The following GOLM1 variants were observed in gnomAD, a reference collection of about 807,000 sequenced individuals.
GOLM1 encodes epididymis luminal protein 46.
GOLM1 carries 31 observed loss-of-function variants against 50.5 expected under a neutral mutation model. That is an observed-to-expected ratio of 0.61 (90% CI 0.46 to 0.83). GOLM1 has a LOEUF of 0.83. Among genes scored for constraint, GOLM1 ranks in the 40% least tolerant of loss-of-function variants. The pLI, the probability that GOLM1 is intolerant of heterozygous loss-of-function variation, is 0.00. For synonymous variants in GOLM1, 178 were observed against 192.8 expected, an observed-to-expected ratio of 0.92 and a Z score of 0.64; for missense variants, 491 against 501.3, an observed-to-expected ratio of 0.98 and a Z score of 0.20.
At chr9:86,092,456 C>T (rs1835215035) in intron 1 of GOLM1, among the ~76,000 whole-genome samples, 1 of 152,176 alleles carries the variant, frequency 6.6e-6, no homozygotes, top group South Asian at 2.1e-4. Context: ...CCGTGGACAT[C>T]CCAGACCAGG....
At chr9:86,083,709 A>G (rs2118870616) in intron 1 of GOLM1, among the ~76,000 whole-genome samples, 1 of 152,352 alleles carries the variant, frequency 6.6e-6, no homozygotes, top group South Asian at 2.1e-4. Context: ...CATTTTGAAC[A>G]GCTAGTTTAA....
chr9:86,055,971 TA>T, intron 3 of GOLM1, among the ~76,000 whole-genome samples: 1 of 103,608 alleles, frequency 9.7e-6, no homozygotes, highest in South Asian at 2.7e-4. Flanking sequence ...AACCGAACAG[TA>T]AAAAAAACAA....
Position 86,047,548 on chromosome 9 carries a change from C to T in GOLM1, c.365-976G>A, listed in dbSNP as rs374232529. The stretch of plus-strand genomic sequence containing the variant: ...TAGACAGAGAGGGGACTGGTGACTT[C>T]GCAGGGCATGGGTGGGGGGTCCTGG... On this transcript the variant is annotated intron_variant, in intron 4 of 9. Transcript: ENST00000388712. Among the ~76,000 whole-genome samples, 154 of 151,922 alleles carry T rather than the reference C, an allele frequency of 1.0e-3. 1 individual carries two copies. In the East Asian group the frequency reaches 0.027, roughly 26 times the overall value.
At chr9:86,071,668 G>A (rs1270991499) in intron 3 of GOLM1, among the ~76,000 whole-genome samples, 1 of 151,032 alleles carries the variant, frequency 6.6e-6, no homozygotes, top group South Asian at 2.1e-4. Context: ...GTGAGACTCT[G>A]TCTCAAAAAG....
intron 4 of GOLM1, among the ~76,000 whole-genome samples, chr9:86,049,016 A>G (rs930684371): frequency 2.0e-5 from 3 of 152,236 alleles, no homozygotes; most frequent in African/African-American, 4.8e-5. Flanking sequence ...TAGGTCTAAC[A>G]TTTAAGTCTT....
chr9:86,049,763 T>G (rs1414853619), intron 4 of GOLM1, among the ~76,000 whole-genome samples: 1 of 152,256 alleles, frequency 6.6e-6, no homozygotes, highest in Non-Finnish European at 1.5e-5. Context: ...AAGGAGATTT[T>G]GAGCTGAGAC....
rs543645098 is a variant in GOLM1 at position 86,037,044 on chromosome 9, T to A, written c.598-537A>T. 5.3e-5 allele frequency among the ~76,000 whole-genome samples: 8 copies of A among 152,202 alleles called. No individual in the cohort carries two copies. In the South Asian group the frequency reaches 1.2e-3, roughly 24 times the overall value. ...AATAACAGGATGAAACTTATGACAT[T>A]TGCAAATATTTGGAAATTAAACAAC... is the stretch of plus-strand genomic sequence containing the variant. On this transcript the variant is annotated intron_variant, in intron 6 of 9. Coordinates refer to ENST00000388712, the MANE Select transcript of GOLM1 (RefSeq NM_016548.4).
intron 1 of GOLM1, chr9:86,079,842 C>T (rs1393212672): frequency 1.3e-5 from 2 of 152,176 alleles, no homozygotes; most frequent in Non-Finnish European, 2.9e-5. Context: ...GCTTTGATTC[C>T]TAACAAGGGA....
intron 4 of GOLM1, 30 bp downstream of exon 4, chr9:86,052,507 G>T: frequency 6.2e-7 from 1 of 1,604,966 alleles, no homozygotes; most frequent in South Asian, 1.1e-5. Flanking sequence ...AAAGGCCAGT[G>T]CCTGGTGTGG....
In GOLM1 at chr9:86,047,606, G is replaced by A. The variant is rs1209367110; in HGVS notation, c.365-1034C>T. Among the ~76,000 whole-genome samples the A allele has an allele frequency of 8.5e-5, 13 of 152,268 alleles. No individual in the cohort carries two copies. The East Asian group carries it at 2.5e-3, about 29-fold the overall frequency. ...GGCAGCTGCCATGTTGACTGCAGTG[G>A]TGATCTGCGAGACTATTTGTCAGGA... On this transcript the variant is annotated intron_variant, in intron 4 of 9. Coordinates refer to ENST00000388712, the MANE Select transcript of GOLM1 (RefSeq NM_016548.4).
chr9:86,026,210 A>G lies in GOLM1; in HGVS notation c.*1607T>C, dbSNP rs888941136. On this transcript the variant is annotated 3_prime_UTR_variant, in exon 10 of 10. Coordinates refer to ENST00000388712, the MANE Select transcript of GOLM1 (RefSeq NM_016548.4). ...CGTACAAATTAAACATGAGATGAATAGAGACTTTATTGAGAAAGCAAGAGA... is the reference window on the plus strand; with the variant it reads ...CGTACAAATTAAACATGAGATGAATGGAGACTTTATTGAGAAAGCAAGAGA... 11 of 981,268 alleles carry G rather than the reference A, an allele frequency of 1.1e-5. No homozygotes were observed. The highest frequency in any genetic ancestry group is 1.3e-5 in the Non-Finnish European group (11 of 826,138). 60.8% of individuals were successfully genotyped at this position (981,268 alleles called of 1,614,324 possible). A position where few individuals can be genotyped will look rare whatever the true frequency, so the allele number is the denominator to read the frequency against.
rs1832820624 is a variant in GOLM1, at chr9:86,027,478, TG to T, written c.*338del. 1 of 1,098,834 alleles carries T rather than the reference TG, an allele frequency of 9.1e-7. No individual in the cohort carries two copies. The highest frequency in any genetic ancestry group is 5.0e-5 in the Admixed American group (1 of 19,866). The allele number at this position is 1,098,834 out of a possible 1,614,324, so 68.1% of individuals were successfully genotyped here. On this transcript the variant is annotated 3_prime_UTR_variant, in exon 10 of 10. Transcript: ENST00000388712. ...GCAGATGGACTCTTCTATAGGTGGC[TG>T]TTAATTTACACAAAGTTATATTCCA...
chr9:86,038,479 C>G (rs980609385), intron 6 of GOLM1, among the ~76,000 whole-genome samples: 1 of 152,196 alleles, frequency 6.6e-6, no homozygotes, highest in African/African-American at 2.4e-5. Context: ...AAGCTCTAGA[C>G]TTCCACGTGG....
chr9:86,090,363 G>T (rs949951769), intron 1 of GOLM1, among the ~76,000 whole-genome samples: 1 of 152,184 alleles, frequency 6.6e-6, no homozygotes, highest in Non-Finnish European at 1.5e-5. Context: ...CCTTCCCCCA[G>T]GTGCTCTGTC....
Position 86,069,870 on chromosome 9 carries a change from A to G in GOLM1, c.309+7542T>C, listed in dbSNP as rs143632423. 6.2e-3 allele frequency among the ~76,000 whole-genome samples: 923 copies of G among 148,284 alleles called. 4 individuals are homozygous for G. Among genetic ancestry groups the G allele is most frequent in the African/African-American group, 0.021 (796 of 38,572 alleles). Reference sequence around the variant, plus strand: ...TTCTCTAAATCCCATTTTAGTCTCCAAGGCTCAAAGCCAATCTTTTTTTCT... The same window carrying G: ...TTCTCTAAATCCCATTTTAGTCTCCGAGGCTCAAAGCCAATCTTTTTTTCT... On this transcript the variant is annotated intron_variant, in intron 3 of 9. Coordinates refer to ENST00000388712, the MANE Select transcript of GOLM1 (RefSeq NM_016548.4).
chr9:86,041,999 C>T (rs1296846795), intron 5 of GOLM1, among the ~76,000 whole-genome samples: 1 of 152,168 alleles, frequency 6.6e-6, no homozygotes, highest in Non-Finnish European at 1.5e-5. Context: ...CTCCTGTAGT[C>T]CCAGCTACTC....
chr9:86,028,912 G>C (rs1002352202), intron 9 of GOLM1, among the ~76,000 whole-genome samples: 3 of 146,078 alleles, frequency 2.1e-5, no homozygotes, highest in Admixed American at 7.0e-5. Flanking sequence ...GCAGTCGTGC[G>C]ATCTCAGCTC....
chr9:86,031,925 C>CAAAAAAAAAAAAA (rs1043805404), intron 9 of GOLM1, among the ~76,000 whole-genome samples: 1 of 36,054 alleles, frequency 2.8e-5, no homozygotes. Flanking sequence ...GACTCCATCT[C>CAAAAAAAAAAAAA]AAAAAAAAAA....
chr9:86,079,090 C>T (rs536232386), intron 2 of GOLM1, 102 bp downstream of exon 2: 21 of 1,084,114 alleles, frequency 1.9e-5, no homozygotes, highest in African/African-American at 3.2e-5. Flanking sequence ...CTGCACAAAA[C>T]GCCCTGGCTG....
Sources: gnomAD v4.1 joint callset for allele counts (sites outside exome capture counted in the v4.1 genomes callset) on GRCh38, gnomAD v4.1.1 for gene constraint, MANE v1.5 for transcripts, NCBI Gene and HGNC (gene_info 2026-07-23, HGNC 2026-07-21) for gene names.